Variants in SEMA6A observed in about 807,000 individuals in gnomAD.
The protein encoded by SEMA6A is semaphorin 6A, also known as semaphorin-6A.
Under a neutral mutation model 96.8 loss-of-function variants are expected in SEMA6A, and 25 were observed. The ratio of observed to expected loss-of-function variants is 0.26; its 90% CI spans 0.19 to 0.36. SEMA6A has a LOEUF of 0.36. SEMA6A is among the 10% of genes least tolerant of loss of function. The pLI, the probability that SEMA6A is intolerant of heterozygous loss-of-function variation, is 1.00. For synonymous variants in SEMA6A, 612 were observed against 518.0 expected, an observed-to-expected ratio of 1.18 and a Z score of -2.46; for missense variants, 1,363 against 1,323.1, an observed-to-expected ratio of 1.03 and a Z score of -0.47.
At chr5:116,543,043 AT>A (rs539380252) in intron 1 of SEMA6A, among the ~76,000 whole-genome samples, 4 of 151,998 alleles carry the variant, frequency 2.6e-5, no homozygotes, top group African/African-American at 7.2e-5. Context: ...AAGTTGAAGA[AT>A]TTTTTTTCTT....
intron 1 of SEMA6A, among the ~76,000 whole-genome samples, chr5:116,520,723 A>G (rs1035553102): frequency 6.6e-6 from 1 of 152,198 alleles, no homozygotes. Context: ...GGGAGGCCAG[A>G]TGAGTGCTAG....
intron 1 of SEMA6A, among the ~76,000 whole-genome samples, chr5:116,573,071 T>C (rs1464810066): frequency 2.0e-5 from 3 of 150,986 alleles, no homozygotes; most frequent in Non-Finnish European, 4.4e-5. Flanking sequence ...CAGGATCCTG[T>C]TTTGCACCAT....
At chr5:116,509,561 G>T (rs1397397916) in intron 1 of SEMA6A, among the ~76,000 whole-genome samples, 1 of 151,940 alleles carries the variant, frequency 6.6e-6, no homozygotes, top group African/African-American at 2.4e-5. Flanking sequence ...TGATGGTACT[G>T]TTCTAAGGGA....
At chr5:116,555,003 A>G (rs886992585) in intron 1 of SEMA6A, 5 of 152,208 alleles carry the variant, frequency 3.3e-5, no homozygotes, top group African/African-American at 4.8e-5. Flanking sequence ...TTTCACAAGA[A>G]ACACCAAACA....
In SEMA6A at chr5:116,488,142, C is replaced by G. The variant is rs1757151558; in HGVS notation, c.710G>C (p.Arg237Thr). ...GGTGTTATACTCCACTGCTATTTCC[C>G]TGAAGAAGAAGTAGATATAATCTCC... ...DYGDYIYFFF[R>T]EIAVEYNTMG... is the part of the protein sequence containing the mutation. The change falls in exon 9 of 19, where the codon AGG becomes ACG. Residue 237 changes from arginine to threonine, a missense_variant. Physicochemically the swap from Arg to Thr is moderately conservative, Grantham distance 71. Around this residue, in one of 2 missense-constraint regions of SEMA6A, gnomAD observed 480 missense variants for 559.5 expected, o/e 0.86. Coordinates refer to ENST00000343348, the MANE Select transcript of SEMA6A (RefSeq NM_020796.5). 1 of 1,612,222 alleles carries G rather than the reference C, an allele frequency of 6.2e-7. No homozygotes were observed. Among genetic ancestry groups the G allele is most frequent in the Non-Finnish European group, 8.5e-7 (1 of 1,179,024 alleles).
intron 18 of SEMA6A, among the ~76,000 whole-genome samples, chr5:116,457,343 A>G (rs1210325829): frequency 1.3e-5 from 2 of 152,140 alleles, no homozygotes; most frequent in Non-Finnish European, 2.9e-5. Flanking sequence ...GCTGCCCTAT[A>G]AATTTCTCGA....
At chr5:116,456,050 A>C (rs192651621) in intron 18 of SEMA6A, among the ~76,000 whole-genome samples, 1 of 152,356 alleles carries the variant, frequency 6.6e-6, no homozygotes, top group Admixed American at 6.5e-5. Context: ...ACAGGGTCCA[A>C]GATTAGACTA....
At chr5:116,569,327 C>T (rs1167774473) in intron 1 of SEMA6A, among the ~76,000 whole-genome samples, 1 of 152,082 alleles carries the variant, frequency 6.6e-6, no homozygotes, top group Non-Finnish European at 1.5e-5. Context: ...AAGAGTAAGT[C>T]CTTGCAAAGG....
chr5:116,447,892 TTA>T, intron 18 of SEMA6A, 81 bp from the exon 19 acceptor site: 1 of 1,144,706 alleles, frequency 8.7e-7, no homozygotes. Context: ...ACCTTGTTAA[TTA>T]ATAACAGTAG....
intron 1 of SEMA6A, among the ~76,000 whole-genome samples, chr5:116,549,547 AT>A (rs1483524396): frequency 6.6e-6 from 1 of 152,140 alleles, no homozygotes. Context: ...CTCCACCAAC[AT>A]TGCCCAGACA....
At chr5:116,555,946 A>G (rs933656994) in intron 1 of SEMA6A, among the ~76,000 whole-genome samples, 1 of 152,186 alleles carries the variant, frequency 6.6e-6, no homozygotes, top group African/African-American at 2.4e-5. Flanking sequence ...CATTACCTAC[A>G]ATCTAAACAC....
chr5:116,513,717 C>G (rs79671310), intron 1 of SEMA6A, among the ~76,000 whole-genome samples: 5,407 of 151,852 alleles, frequency 0.036, 118 homozygotes, highest in Non-Finnish European at 0.052. Flanking sequence ...CACAGGTCAT[C>G]CCATCGCCCA....
chr5:116,562,587 A>T lies in SEMA6A; in HGVS notation c.-39+11598T>A, dbSNP rs999814019. 5.7e-5 allele frequency: 37 copies of T among 650,248 alleles called. 1 individual carries two copies. The South Asian group carries it at 5.9e-4, about 10-fold the overall frequency. The allele number at this position is 650,248 out of a possible 1,614,324, so 40.3% of individuals were successfully genotyped here. On this transcript the variant is annotated intron_variant, in intron 1 of 18. Coordinates refer to ENST00000343348, the MANE Select transcript of SEMA6A (RefSeq NM_020796.5). Reference sequence around the variant, plus strand: ...ATGGCACCTCGAAAGGGGAAGGAAAAGGAAGAACAGGTCATCAGCCTCTGA... The same window carrying T: ...ATGGCACCTCGAAAGGGGAAGGAAATGGAAGAACAGGTCATCAGCCTCTGA...
At chr5:116,563,076 A>G (rs1348814359) in intron 1 of SEMA6A, 2 of 395,446 alleles carry the variant, frequency 5.1e-6, no homozygotes, top group East Asian at 6.2e-5. Flanking sequence ...CAAAGGCCCA[A>G]TTCTCTACAG....
intron 3 of SEMA6A, chr5:116,498,342 C>T (rs1178262246): frequency 6.6e-6 from 1 of 152,008 alleles, no homozygotes; most frequent in Non-Finnish European, 1.5e-5. Context: ...TTTTAAGTCC[C>T]CTCGTTACTT....
chr5:116,515,079 C>T (rs1002392502), intron 1 of SEMA6A, among the ~76,000 whole-genome samples: 2 of 152,138 alleles, frequency 1.3e-5, no homozygotes, highest in African/African-American at 4.8e-5. Flanking sequence ...CATGACTGTT[C>T]ACTGTGGAGG....
intron 1 of SEMA6A, among the ~76,000 whole-genome samples, chr5:116,540,089 A>T (rs1031726839): frequency 6.6e-6 from 1 of 151,756 alleles, no homozygotes; most frequent in Non-Finnish European, 1.5e-5. Flanking sequence ...CTTTTCTTCC[A>T]CTGGTTGGTT....
At chr5:116,516,432 A>G (rs965146) in intron 1 of SEMA6A, among the ~76,000 whole-genome samples, 11,585 of 152,212 alleles carry the variant, frequency 0.076, 514 homozygotes, top group Admixed American at 0.11. Context: ...CAGTGAGCTC[A>G]GTGAAAACTG....
At chr5:116,560,482 G>GA (rs1271047064) in intron 1 of SEMA6A, among the ~76,000 whole-genome samples, 30 of 151,374 alleles carry the variant, frequency 2.0e-4, no homozygotes, top group Admixed American at 1.5e-3. Flanking sequence ...CTAGTAGCCT[G>GA]AACCAGAGTA....
Sources: gnomAD v4.1 joint callset for allele counts (sites outside exome capture counted in the v4.1 genomes callset) on GRCh38, gnomAD v4.1.1 for gene constraint, gnomAD v4.1.1 regional missense constraint, MANE v1.5 for transcripts, NCBI Gene and HGNC (gene_info 2026-07-23, HGNC 2026-07-21) for gene names.